Variants in PTPRT observed in about 807,000 individuals in gnomAD.
The protein encoded by PTPRT is receptor-type tyrosine-protein phosphatase T.
PTPRT carries 56 observed loss-of-function variants against 176.8 expected under a neutral mutation model. That is an observed-to-expected ratio of 0.32 (90% CI 0.26 to 0.40). The LOEUF is 0.40. Among genes scored for constraint, PTPRT ranks in the 10% least tolerant of loss-of-function variants. PTPRT has a pLI of 1.00. For synonymous variants in PTPRT, 783 were observed against 739.0 expected (o/e 1.06, Z -0.96); for missense variants, 1,540 against 1,908.2 (o/e 0.81, Z 3.60).
At chr20:43,010,508 AG>A (rs1439797934) in intron 1 of PTPRT, among the ~76,000 whole-genome samples, 1 of 152,170 alleles carries the variant, frequency 6.6e-6, no homozygotes, top group Non-Finnish European at 1.5e-5. Flanking sequence ...ATATCAACCT[AG>A]AACTTTGGAA....
chr20:42,145,485 G>A (rs2146432899), intron 17 of PTPRT, among the ~76,000 whole-genome samples: 2 of 147,048 alleles, frequency 1.4e-5, no homozygotes, highest in Middle Eastern at 3.5e-3. Context: ...GGGTGACAGT[G>A]AGACTTTGTC....
At chr20:42,260,163 AAAACTAGACTAC>A (rs78121707) in intron 13 of PTPRT, among the ~76,000 whole-genome samples, 27,793 of 152,140 alleles carry the variant, frequency 0.18, 3,125 homozygotes, top group South Asian at 0.38. Context: ...CTGCTTAAAC[AAAACTAGACTAC>A]AAACTTGATT....
At chr20:42,296,404 C>T (rs2057387191) in intron 12 of PTPRT, among the ~76,000 whole-genome samples, 1 of 151,304 alleles carries the variant, frequency 6.6e-6, no homozygotes, top group Non-Finnish European at 1.5e-5. Flanking sequence ...TGAGATCACA[C>T]CACTGCACTC....
In PTPRT at chr20:42,352,164, G is replaced by A. The variant is rs2145523549; in HGVS notation, c.1682C>T (p.Thr561Ile). ...HLFVGLYPGT[T>I]YSFTIKASTA... ...GCTGGCCTTGATGGTGAAGGAATAGGTGGTCCCTGGGTACAGACCCACAAA... is the reference window on the plus strand; with the variant it reads ...GCTGGCCTTGATGGTGAAGGAATAGATGGTCCCTGGGTACAGACCCACAAA... The change falls in exon 10 of 31, where the codon ACC becomes ATC. Residue 561 changes from threonine (T) to isoleucine (I), a missense_variant. Coordinates refer to ENST00000373187, the MANE Select transcript of PTPRT (RefSeq NM_007050.6). 6.2e-7 allele frequency: 1 copy of A among 1,614,172 alleles called. No individual in the cohort carries two copies. The highest frequency in any genetic ancestry group is 8.5e-7 in the Non-Finnish European group (1 of 1,180,042).
chr20:43,075,502 T>C (rs1292672916), intron 1 of PTPRT, among the ~76,000 whole-genome samples: 1 of 152,246 alleles, frequency 6.6e-6, no homozygotes, highest in Admixed American at 6.5e-5. Flanking sequence ...CCACAGGTTG[T>C]TGTTGCATCT....
rs533505410 is a variant in PTPRT, at chr20:42,380,546, C to G, written c.1561-28261G>C. 1.1e-3 allele frequency among the ~76,000 whole-genome samples: 160 copies of G among 152,312 alleles called. 1 individual carries two copies. Among genetic ancestry groups the G allele is most frequent in the South Asian group, 1.7e-3 (8 of 4,820 alleles). ...ATGTGTCTCCCTCCCAGACATTGGG[C>G]CCCAATCGGAATGGGGAAGATGGTC... On this transcript the variant is annotated intron_variant, in intron 9 of 30. Coordinates refer to ENST00000373187, the MANE Select transcript of PTPRT (RefSeq NM_007050.6).
intron 11 of PTPRT, among the ~76,000 whole-genome samples, chr20:42,337,159 C>G (rs1568787274): frequency 6.6e-6 from 1 of 150,898 alleles, no homozygotes. Context: ...TAGAAGCCCC[C>G]CCTTCCCTGG....
chr20:42,034,816 G>T, the PTPRT span, among the ~76,000 whole-genome samples: 35 of 152,230 alleles, frequency 2.3e-4, no homozygotes, highest in African/African-American at 8.2e-4. Flanking sequence ...GGTGACATCT[G>T]GTTTGCTTCT....
intron 7 of PTPRT, among the ~76,000 whole-genome samples, chr20:42,627,620 TC>T (rs1274245653): frequency 2.0e-5 from 3 of 152,092 alleles, no homozygotes; most frequent in South Asian, 2.1e-4. Context: ...GCAAAAACGG[TC>T]CTTTTACCTG....
chr20:42,786,172 G>T (rs1377083936), intron 3 of PTPRT, among the ~76,000 whole-genome samples: 1 of 152,174 alleles, frequency 6.6e-6, no homozygotes, highest in Non-Finnish European at 1.5e-5. Context: ...CAGCCATGTG[G>T]AAGTGTGAGT....
At chr20:42,323,267 C>A (rs1411090935) in intron 11 of PTPRT, among the ~76,000 whole-genome samples, 1 of 152,126 alleles carries the variant, frequency 6.6e-6, no homozygotes, top group Non-Finnish European at 1.5e-5. Flanking sequence ...TGGGTATATA[C>A]CCAAAGGATT....
At chr20:42,509,722 C>G (rs2071919819) in intron 7 of PTPRT, among the ~76,000 whole-genome samples, 1 of 151,938 alleles carries the variant, frequency 6.6e-6, no homozygotes, top group African/African-American at 2.4e-5. Flanking sequence ...GCAAATCACT[C>G]TGAACCTTAG....
intron 13 of PTPRT, among the ~76,000 whole-genome samples, chr20:42,267,295 G>A (rs2056855610): frequency 6.6e-6 from 1 of 152,204 alleles, no homozygotes. Context: ...AAGTAGGCTA[G>A]GTTAAGCTAT....
intron 7 of PTPRT, among the ~76,000 whole-genome samples, chr20:42,518,520 T>C (rs1312877438): frequency 6.6e-6 from 1 of 152,156 alleles, no homozygotes; most frequent in South Asian, 2.1e-4. Flanking sequence ...TTGAAAGTTA[T>C]CCATTTCACA....
chr20:42,488,653 T>C (rs1405157545), intron 7 of PTPRT, among the ~76,000 whole-genome samples: 1 of 152,140 alleles, frequency 6.6e-6, no homozygotes, highest in East Asian at 1.9e-4. Flanking sequence ...GTAAGAGTCC[T>C]TTATTTTTGA....
intron 4 of PTPRT, among the ~76,000 whole-genome samples, 200 bp downstream of exon 4, chr20:42,780,018 G>A (rs1172341049): frequency 1.3e-5 from 2 of 152,164 alleles, no homozygotes; most frequent in East Asian, 3.9e-4. Flanking sequence ...TCCTGGAGGT[G>A]CTGCCTGTTG....
intron 6 of PTPRT, among the ~76,000 whole-genome samples, chr20:42,718,627 T>C (rs1266009230): frequency 1.3e-5 from 2 of 152,050 alleles, no homozygotes; most frequent in African/African-American, 2.4e-5. Flanking sequence ...AGCCAAAAAA[T>C]ATATAATTTA....
At chr20:42,582,431 G>A (rs766611802) in intron 7 of PTPRT, among the ~76,000 whole-genome samples, 2 of 152,136 alleles carry the variant, frequency 1.3e-5, no homozygotes, top group African/African-American at 2.4e-5. Context: ...GGTCACCAAC[G>A]AACTGGAAAA....
chr20:42,917,117 C>A (rs967273247), intron 1 of PTPRT, among the ~76,000 whole-genome samples: 1 of 152,138 alleles, frequency 6.6e-6, no homozygotes, highest in Admixed American at 6.5e-5. Flanking sequence ...AGTCTTTAAT[C>A]CATCTTGAAT....
Sources: allele counts gnomAD v4.1 joint callset (sites outside exome capture counted in the v4.1 genomes callset), GRCh38; gene constraint gnomAD v4.1.1; transcripts MANE v1.5; gene names NCBI Gene and HGNC (gene_info 2026-07-23, HGNC 2026-07-21).